PCDH9: variants seen among roughly 807,000 people sequenced by gnomAD.
The protein encoded by PCDH9 is protocadherin-9.
A neutral mutation model predicts 70.6 loss-of-function variants in PCDH9; 24 were observed. The observed-to-expected ratio is 0.34, with a 90% CI of 0.25 to 0.48. The LOEUF (loss-of-function observed/expected upper bound fraction) is 0.48, where lower values mean the gene tolerates loss of function less well. Ranked by LOEUF, PCDH9 falls within the 20% of genes least tolerant of loss-of-function variation. The probability of loss-of-function intolerance (pLI) is 0.99; values close to 1 mark genes in which losing one functional copy is unlikely to be tolerated. For missense variants in PCDH9, 1,281 were observed against 1,503.6 expected (o/e 0.85, Z 2.45); for synonymous variants, 562 against 558.5 (o/e 1.01, Z -0.09).
intron 4 of PCDH9, among the ~76,000 whole-genome samples, chr13:66,481,205 A>C (rs1958828963): frequency 6.6e-6 from 1 of 151,516 alleles, no homozygotes; most frequent in Non-Finnish European, 1.5e-5. Flanking sequence ...CCTAATGCAA[A>C]TGACGGGTTG....
chr13:66,344,014 A>T (rs896069342), intron 4 of PCDH9, among the ~76,000 whole-genome samples: 1 of 152,226 alleles, frequency 6.6e-6, no homozygotes, highest in Non-Finnish European at 1.5e-5. Flanking sequence ...CCCTTAGAAA[A>T]GGAAATGTTT....
Position 67,225,565 on chromosome 13 carries a change from T to G in PCDH9, c.2876A>C (p.Lys959Thr). ...HLKPDTPVSV[K>T]KHHVIQELPL... Reference sequence around the variant, plus strand: ...GAGTTCCTGAATCACGTGGTGCTTTTTCACGGAAACTGGAGTGTCTGGTTT... The same window carrying G: ...GAGTTCCTGAATCACGTGGTGCTTTGTCACGGAAACTGGAGTGTCTGGTTT... Residue 959 changes from lysine to threonine, a missense_variant, in exon 2 of 5, where the codon AAA becomes ACA. Lys to Thr is a moderately conservative substitution (Grantham distance 78). Around this residue, in one of 4 missense-constraint regions of PCDH9, gnomAD observed 207 missense variants for 191.8 expected, o/e 1.08. Coordinates refer to ENST00000377865, the MANE Select transcript of PCDH9 (RefSeq NM_203487.3). The G allele has an allele frequency of 6.2e-7, 1 of 1,614,158 alleles. No individual in the cohort carries two copies. Among genetic ancestry groups the G allele is most frequent in the Non-Finnish European group, 8.5e-7 (1 of 1,180,020 alleles).
intron 4 of PCDH9, among the ~76,000 whole-genome samples, chr13:66,546,023 T>A (rs1478208043): frequency 6.6e-6 from 1 of 151,570 alleles, no homozygotes; most frequent in Non-Finnish European, 1.5e-5. Flanking sequence ...CTTTTTTTAA[T>A]AGAGACAGGT....
intron 2 of PCDH9, among the ~76,000 whole-genome samples, chr13:67,099,511 T>C: frequency 6.6e-6 from 1 of 152,224 alleles, no homozygotes; most frequent in Non-Finnish European, 1.5e-5. Context: ...TCATCTAGCA[T>C]ATACTAAATG....
At chr13:66,307,304 G>A (rs2138055831) in intron 4 of PCDH9, among the ~76,000 whole-genome samples, 1 of 152,134 alleles carries the variant, frequency 6.6e-6, no homozygotes, top group East Asian at 1.9e-4. Context: ...CTAAACAATA[G>A]TGGTGATCTA....
chr13:67,063,743 G>A (rs998548514), intron 2 of PCDH9, among the ~76,000 whole-genome samples: 2 of 152,112 alleles, frequency 1.3e-5, no homozygotes, highest in African/African-American at 4.8e-5. Context: ...ATGACATAGA[G>A]CTAAGACATG....
At chr13:66,939,192 A>C (rs947126503) in intron 2 of PCDH9, among the ~76,000 whole-genome samples, 7 of 152,186 alleles carry the variant, frequency 4.6e-5, no homozygotes, top group Non-Finnish European at 4.4e-5. Flanking sequence ...TATCACTGTC[A>C]ATCATTAAAA....
At chr13:66,503,770 G>A (rs1959189394) in intron 4 of PCDH9, among the ~76,000 whole-genome samples, 1 of 151,954 alleles carries the variant, frequency 6.6e-6, no homozygotes, top group South Asian at 2.1e-4. Flanking sequence ...CATTTTTGTG[G>A]GTACTTCTTT....
chr13:66,684,842 A>G (rs2139069221), intron 3 of PCDH9, among the ~76,000 whole-genome samples: 1 of 152,246 alleles, frequency 6.6e-6, no homozygotes, highest in Non-Finnish European at 1.5e-5. Context: ...AGAGGATGGA[A>G]CAGTTTGCAG....
chr13:67,038,681 T>C (rs887715434), intron 2 of PCDH9, among the ~76,000 whole-genome samples: 1 of 152,226 alleles, frequency 6.6e-6, no homozygotes, highest in African/African-American at 2.4e-5. Flanking sequence ...ACTATTGTGA[T>C]ATTATGCTAG....
chr13:66,806,854 G>A (rs1015875636), intron 3 of PCDH9, among the ~76,000 whole-genome samples: 1 of 152,064 alleles, frequency 6.6e-6, no homozygotes, highest in Non-Finnish European at 1.5e-5. Flanking sequence ...ATAATAAATA[G>A]TAGCAATTGT....
chr13:66,633,578 C>G lies in PCDH9; in HGVS notation c.3139-2167G>C, dbSNP rs369137221. On this transcript the variant is annotated intron_variant, in intron 3 of 4. Transcript: ENST00000377865. ...GGATGACTGTCAAACATAGCTTTTA[C>G]AGTGACTGATCTACTGAAAACTCCT... 1.8e-3 allele frequency among the ~76,000 whole-genome samples: 276 copies of G among 152,224 alleles called. 1 individual carries two copies. Among genetic ancestry groups the G allele is most frequent in the African/African-American group, 6.3e-3 (261 of 41,538 alleles).
At chr13:67,144,219 GGCT>G (rs750879896) in intron 2 of PCDH9, among the ~76,000 whole-genome samples, 12 of 152,118 alleles carry the variant, frequency 7.9e-5, no homozygotes, top group Non-Finnish European at 1.6e-4. Flanking sequence ...AATGATGGCG[GGCT>G]TATTTGCCAG....
intron 3 of PCDH9, among the ~76,000 whole-genome samples, chr13:66,758,525 C>T (rs998997061): frequency 3.3e-5 from 5 of 151,752 alleles, no homozygotes; most frequent in Non-Finnish European, 7.4e-5. Flanking sequence ...CATTCCTATT[C>T]AATAGAACAT....
intron 4 of PCDH9, among the ~76,000 whole-genome samples, chr13:66,554,873 A>C (rs1961657239): frequency 6.6e-6 from 1 of 152,194 alleles, no homozygotes; most frequent in East Asian, 1.9e-4. Context: ...TGTCCATTTA[A>C]AAAATGCTTC....
At chr13:66,418,044 C>A (rs545411732) in intron 4 of PCDH9, among the ~76,000 whole-genome samples, 1 of 152,226 alleles carries the variant, frequency 6.6e-6, no homozygotes, top group East Asian at 1.9e-4. Flanking sequence ...GCTTTTGTTG[C>A]AATTGCTTTT....
At chr13:66,598,143 A>T (rs1052527586) in intron 4 of PCDH9, among the ~76,000 whole-genome samples, 1 of 151,808 alleles carries the variant, frequency 6.6e-6, no homozygotes, top group Non-Finnish European at 1.5e-5. Flanking sequence ...TGGGAATGCA[A>T]AATGGCGTGA....
intron 3 of PCDH9, among the ~76,000 whole-genome samples, chr13:66,753,859 A>G (rs1339693633): frequency 6.6e-6 from 1 of 152,200 alleles, no homozygotes; most frequent in Non-Finnish European, 1.5e-5. Context: ...TCAAGTGACA[A>G]AAACACACAT....
At chr13:67,188,007 A>T (rs2088805070) in intron 2 of PCDH9, among the ~76,000 whole-genome samples, 1 of 152,136 alleles carries the variant, frequency 6.6e-6, no homozygotes, top group Non-Finnish European at 1.5e-5. Context: ...TATAGTTGGT[A>T]CCGAACACTA....
Sources: allele counts gnomAD v4.1 joint callset (sites outside exome capture counted in the v4.1 genomes callset), GRCh38; gene constraint gnomAD v4.1.1; regional missense constraint gnomAD v4.1.1; transcripts MANE v1.5; gene names NCBI Gene and HGNC (gene_info 2026-07-23, HGNC 2026-07-21).